PRDM2: variants seen among roughly 807,000 people sequenced by gnomAD.
PRDM2 encodes the protein PR domain zinc finger protein 2.
A neutral mutation model predicts 130.0 loss-of-function variants in PRDM2; 30 were observed. The observed-to-expected ratio is 0.23, with a 90% CI of 0.17 to 0.31. PRDM2 has a LOEUF of 0.31. Among genes scored for constraint, PRDM2 ranks in the 10% least tolerant of loss-of-function variants. The probability of loss-of-function intolerance (pLI) is 1.00; values close to 1 mark genes in which losing one functional copy is unlikely to be tolerated. For synonymous variants in PRDM2, 871 were observed against 782.4 expected (o/e 1.11, Z -1.89); for missense variants, 2,011 against 2,108.4 (o/e 0.95, Z 0.90).
At chr1:13,747,769 C>CAAAAAAAAAA (rs78988090) in intron 5 of PRDM2, among the ~76,000 whole-genome samples, 1 of 48,398 alleles carries the variant, frequency 2.1e-5, no homozygotes, top group Non-Finnish European at 4.6e-5. Flanking sequence ...TCCCTCCCCG[C>CAAAAAAAAAA]AAAAAAAAAA....
chr1:13,782,872 G>C (rs1433202906), intron 8 of PRDM2, 41 bp downstream of exon 8: 1 of 1,603,274 alleles, frequency 6.2e-7, no homozygotes, highest in African/African-American at 1.3e-5. Context: ...CCGGGAAGGC[G>C]ACAGTATCCT....
At chr1:13,820,645 G>A (rs1269879781) in intron 9 of PRDM2, among the ~76,000 whole-genome samples, 3 of 152,156 alleles carry the variant, frequency 2.0e-5, no homozygotes, top group African/African-American at 2.4e-5. Context: ...TCTGACATGC[G>A]CTCCCTCCTG....
intron 1 of PRDM2, 59 bp downstream of exon 1, chr1:13,700,359 C>G (rs889597988): frequency 5.4e-5 from 8 of 149,234 alleles, no homozygotes; most frequent in African/African-American, 2.0e-4. Context: ...GGTCCCTCCC[C>G]CCGAGGAGCG....
chr1:13,731,041 G>C lies in PRDM2; in HGVS notation c.51G>C (p.Glu17Asp). The C allele has an allele frequency of 6.2e-7, 1 of 1,612,294 alleles. No homozygotes were observed. Among genetic ancestry groups the C allele is most frequent in the Non-Finnish European group, 8.5e-7 (1 of 1,179,414 alleles). ...TGGCGGCCACCGAGACCCTGGCTGA[G>C]GTACCCGAACATGTGCTGCGAGGAC... The part of the protein sequence containing the change: ...EPVAATETLA[E>D]VPEHVLRGLP... The change falls in exon 3 of 10, where the codon GAG becomes GAC. Residue 17 changes from glutamate (E) to aspartate (D), a missense_variant. Physicochemically the swap from Glu to Asp is conservative, Grantham distance 45. Around this residue, in one of 5 missense-constraint regions of PRDM2, gnomAD observed 79 missense variants for 93.6 expected, o/e 0.84. Transcript: ENST00000311066.
At chr1:13,731,841 A>G (rs1371070111) in intron 3 of PRDM2, among the ~76,000 whole-genome samples, 3 of 152,162 alleles carry the variant, frequency 2.0e-5, no homozygotes, top group Non-Finnish European at 4.4e-5. Flanking sequence ...GTATGAAAAA[A>G]TTTTAATACA....
chr1:13,787,079 A>C (rs944931608), intron 8 of PRDM2: 1 of 985,350 alleles, frequency 1.0e-6, no homozygotes, highest in African/African-American at 1.7e-5. Context: ...GTTTTTTTAA[A>C]TCACAAGTAG....
chr1:13,738,239 T>C (rs1021986474), intron 4 of PRDM2, among the ~76,000 whole-genome samples: 12 of 152,202 alleles, frequency 7.9e-5, no homozygotes, highest in Non-Finnish European at 1.6e-4. Context: ...CAGAGACTCT[T>C]ACACTTTTTT....
At chr1:13,802,127 G>A (rs1043578173) in intron 8 of PRDM2, among the ~76,000 whole-genome samples, 11 of 152,272 alleles carry the variant, frequency 7.2e-5, no homozygotes, top group Non-Finnish European at 1.3e-4. Context: ...ATTCAACCCC[G>A]GACCCTGGGC....
intron 3 of PRDM2, 139 bp downstream of exon 3, chr1:13,731,256 G>C (rs879051668): frequency 1.5e-6 from 1 of 676,184 alleles, no homozygotes; most frequent in South Asian, 1.8e-5. Context: ...ATATGGTGTT[G>C]ATGCATTTTC....
chr1:13,736,428 C>T (rs893177659), intron 4 of PRDM2, among the ~76,000 whole-genome samples: 10 of 152,134 alleles, frequency 6.6e-5, no homozygotes, highest in African/African-American at 2.4e-4. Flanking sequence ...GGCTTATTTA[C>T]ATCATTATTC....
At chr1:13,811,984 C>T (rs1281638739) in intron 8 of PRDM2, among the ~76,000 whole-genome samples, 2 of 152,188 alleles carry the variant, frequency 1.3e-5, no homozygotes, top group Admixed American at 6.5e-5. Flanking sequence ...ACAGGGTGAA[C>T]ACAGAGTGCG....
rs1016572676 is a variant in PRDM2, at chr1:13,779,651, C to G, written c.1856C>G (p.Pro619Arg). Residue 619 changes from proline to arginine, a missense_variant, in exon 8 of 10, where the codon CCT becomes CGT. Coordinates refer to ENST00000311066, the MANE Select transcript of PRDM2 (RefSeq NM_001393986.1). The surrounding 1 kb of genome is among the most constrained non-coding windows in gnomAD (Gnocchi z 4.9). ...ITQNIKTTQV[P>R]VTEDLPKEPL... is the part of the protein sequence containing the mutation. Reference sequence around the variant, plus strand: ...CAAAATATAAAGACCACACAGGTCCCTGTAACAGAAGATCTTCCTAAAGAG... The same window carrying G: ...CAAAATATAAAGACCACACAGGTCCGTGTAACAGAAGATCTTCCTAAAGAG... 9 of 1,614,076 alleles carry G rather than the reference C, an allele frequency of 5.6e-6. No homozygotes were observed. Among genetic ancestry groups the G allele is most frequent in the Non-Finnish European group, 7.6e-6 (9 of 1,180,014 alleles).
Position 13,779,583 on chromosome 1 carries a change from T to C in PRDM2, c.1788T>C (p.Tyr596=). 1 of 1,614,138 alleles carries C rather than the reference T, an allele frequency of 6.2e-7. No individual in the cohort carries two copies. Among genetic ancestry groups the C allele is most frequent in the Non-Finnish European group, 8.5e-7 (1 of 1,179,968 alleles). The part of the protein sequence containing the change: ...IEMESASADL[Y]GINCLLTPVT... The stretch of plus-strand genomic sequence containing the variant: ...TGGAGTCTGCTTCGGCAGATTTGTA[T>C]GGTATAAATTGTCTGCTCACTCCAG... Residue 596 remains tyrosine (Y), a synonymous_variant, in exon 8 of 10, where the codon TAT becomes TAC. Transcript: ENST00000311066. The surrounding 1 kb of genome is among the most constrained non-coding windows in gnomAD (Gnocchi z 4.9).
chr1:13,774,199 T>C (rs927185042), intron 7 of PRDM2, among the ~76,000 whole-genome samples: 2 of 152,170 alleles, frequency 1.3e-5, no homozygotes, highest in African/African-American at 4.8e-5. Context: ...TGCCCTCTGC[T>C]CATTGCAGTT....
chr1:13,741,315 G>T (rs1643429784), intron 4 of PRDM2, among the ~76,000 whole-genome samples: 1 of 152,128 alleles, frequency 6.6e-6, no homozygotes, highest in Non-Finnish European at 1.5e-5. Flanking sequence ...TGAGGTTTTG[G>T]TCCTTTTCTT....
Position 13,716,802 on chromosome 1 carries a change from T to G in PRDM2, c.9+1188T>G, listed in dbSNP as rs1642555051. 1.3e-5 allele frequency among the ~76,000 whole-genome samples: 2 copies of G among 152,248 alleles called. 1 individual carries two copies. The highest frequency in any genetic ancestry group is 4.1e-4 in the South Asian group (2 of 4,834). ...TGTCAGAAATGTTTTCTTTTTAAAA[T>G]GTTCATAAGCACTTACTTTTAAAAT... On this transcript the variant is annotated intron_variant, in intron 2 of 9. Transcript: ENST00000311066.
In PRDM2 at chr1:13,780,172, G is replaced by A. The variant is rs146092855; in HGVS notation, c.2377G>A (p.Glu793Lys). The change falls in exon 8 of 10, where the codon GAA (glutamate) becomes AAA (lysine). Residue 793 changes from glutamate to lysine, a missense_variant. Coordinates refer to ENST00000311066, the MANE Select transcript of PRDM2 (RefSeq NM_001393986.1). ...GAGTTTGTCTGGGAGAGATGAGAGA[G>A]AAACTGTGAGCCCTCCATGCTTTGA... ...AWSLSGRDERETVSPPCFDEY... is the reference protein window; with the variant it reads ...AWSLSGRDERKTVSPPCFDEY... 3.3e-5 allele frequency: 53 copies of A among 1,600,482 alleles called. No individual in the cohort carries two copies. Among genetic ancestry groups the A allele is most frequent in the Non-Finnish European group, 4.3e-5 (51 of 1,172,558 alleles).
At chr1:13,787,940 C>T in intron 8 of PRDM2, 4 of 985,304 alleles carry the variant, frequency 4.1e-6, no homozygotes, top group Non-Finnish European at 4.8e-6. Context: ...TTTTTCCCCT[C>T]CCAGCATTGA....
chr1:13,789,930 G>A (rs1299318335), intron 8 of PRDM2, among the ~76,000 whole-genome samples: 3 of 152,194 alleles, frequency 2.0e-5, no homozygotes, highest in South Asian at 4.1e-4. Flanking sequence ...TGCAGCTGCC[G>A]CTTCAGGCAG....
Sources: allele counts gnomAD v4.1 joint callset (sites outside exome capture counted in the v4.1 genomes callset), GRCh38; gene constraint gnomAD v4.1.1; regional missense constraint gnomAD v4.1.1; non-coding constraint Gnocchi (gnomAD v3.1); transcripts MANE v1.5; gene names NCBI Gene and HGNC (gene_info 2026-07-23, HGNC 2026-07-21).